The following NDE1 variants were observed in gnomAD, a reference collection of about 807,000 sequenced individuals.
NDE1 encodes the protein nuclear distribution protein nudE homolog 1.
NDE1 carries 28 observed loss-of-function variants against 43.4 expected under a neutral mutation model. The observed-to-expected ratio is 0.65, with a 90% CI of 0.48 to 0.89. The LOEUF is 0.89. Ranked by LOEUF, NDE1 falls within the 40% of genes least tolerant of loss-of-function variation. The probability of loss-of-function intolerance (pLI) is 0.00; values close to 1 mark genes in which losing one functional copy is unlikely to be tolerated. For synonymous variants in NDE1, 184 were observed against 172.0 expected, an observed-to-expected ratio of 1.07 and a Z score of -0.55; for missense variants, 441 against 434.1, an observed-to-expected ratio of 1.02 and a Z score of -0.14.
At chr16:15,654,497 A>G (rs75038289) in intron 1 of NDE1, among the ~76,000 whole-genome samples, 11,497 of 150,288 alleles carry the variant, frequency 0.076, 564 homozygotes, top group East Asian at 0.27. Flanking sequence ...GGTACTAGGG[A>G]CGCTGAGGTA....
chr16:15,673,956 G>C (rs1004775974), intron 3 of NDE1, among the ~76,000 whole-genome samples: 3 of 152,126 alleles, frequency 2.0e-5, no homozygotes, highest in African/African-American at 7.2e-5. Flanking sequence ...GTTTGGTCTT[G>C]GCCCAGTCAT....
Position 15,724,659 on chromosome 16 carries a change from A to G in NDE1, c.*408A>G. 6.2e-7 allele frequency: 1 copy of G among 1,614,078 alleles called. No homozygotes were observed. Among genetic ancestry groups the G allele is most frequent in the Non-Finnish European group, 8.5e-7 (1 of 1,180,024 alleles). ...ACGGGGCAGGCACCTGGATGTTGAG[A>G]GTGGAGATGTGGCGCTCCAGGTTCT... On this transcript the variant is annotated 3_prime_UTR_variant, in exon 9 of 9. Transcript: ENST00000396354.
At chr16:15,648,973 A>G (rs1292081277), upstream of NDE1, among the ~76,000 whole-genome samples, 2 of 152,086 alleles carry the variant, frequency 1.3e-5, no homozygotes, top group African/African-American at 4.8e-5. Context: ...AGGTGGGTGG[A>G]TCACCTGAGG....
intron 8 of NDE1, among the ~76,000 whole-genome samples, chr16:15,706,989 G>A (rs2039490710): frequency 1.3e-5 from 2 of 152,180 alleles, no homozygotes; most frequent in Non-Finnish European, 2.9e-5. Context: ...ACCTGTTACA[G>A]GAACTAAGGG....
At chr16:15,693,285 G>T (rs908424611) in intron 6 of NDE1, among the ~76,000 whole-genome samples, 35 of 152,284 alleles carry the variant, frequency 2.3e-4, no homozygotes, top group African/African-American at 7.5e-4. Context: ...GATTACAGGT[G>T]TGAGCTACTG....
intron 8 of NDE1, among the ~76,000 whole-genome samples, chr16:15,709,902 G>C (rs1200449814): frequency 6.6e-6 from 1 of 152,158 alleles, no homozygotes; most frequent in South Asian, 2.1e-4. Flanking sequence ...AGTGTAGCCA[G>C]TGGTAGGTAA....
chr16:15,673,419 G>A (rs1271311950), intron 3 of NDE1, among the ~76,000 whole-genome samples: 1 of 152,024 alleles, frequency 6.6e-6, no homozygotes, highest in Non-Finnish European at 1.5e-5. Flanking sequence ...TGGCCAGGCT[G>A]TTCTCAAACT....
chr16:15,688,353 G>C (rs1421536264), intron 5 of NDE1, among the ~76,000 whole-genome samples: 2 of 151,884 alleles, frequency 1.3e-5, no homozygotes, highest in African/African-American at 4.8e-5. Context: ...TGAGGCATTT[G>C]GCCAGGCACA....
Position 15,719,626 on chromosome 16 carries a change from T to G in NDE1, c.948-4565T>G. The stretch of plus-strand genomic sequence containing the variant: ...AGGTCTGCTTCCAAGCTCTTGGCTT[T>G]CTTCTCATTCTCTTTGGCTGTGGCA... On this transcript the variant is annotated intron_variant, in intron 8 of 8. Transcript: ENST00000396354. 1 of 1,614,214 alleles carries G rather than the reference T, an allele frequency of 6.2e-7. No individual in the cohort carries two copies. Among genetic ancestry groups the G allele is most frequent in the Non-Finnish European group, 8.5e-7 (1 of 1,180,042 alleles).
intron 1 of NDE1, among the ~76,000 whole-genome samples, chr16:15,664,113 G>GCCCCCACT: frequency 6.6e-6 from 1 of 151,418 alleles, no homozygotes; most frequent in East Asian, 1.9e-4. Context: ...TTCCATTCCA[G>GCCCCCACT]CCCCCACTCC....
intron 8 of NDE1, among the ~76,000 whole-genome samples, chr16:15,709,067 C>G (rs764473966): frequency 6.6e-6 from 1 of 152,000 alleles, no homozygotes; most frequent in South Asian, 2.1e-4. Flanking sequence ...CTCAGCCTCC[C>G]GAGTAGCTGG....
At chr16:15,647,282 T>A (rs1165813938), upstream of NDE1, among the ~76,000 whole-genome samples, 1 of 152,086 alleles carries the variant, frequency 6.6e-6, no homozygotes, top group African/African-American at 2.4e-5. Context: ...GAAGGCAAGA[T>A]GGGGTGGGAG....
At chr16:15,679,300 CAG>C (rs999058813) in intron 4 of NDE1, among the ~76,000 whole-genome samples, 2 of 152,092 alleles carry the variant, frequency 1.3e-5, no homozygotes, top group Non-Finnish European at 1.5e-5. Flanking sequence ...CCGGCCTCCT[CAG>C]AGAGTTTTTT....
chr16:15,665,075 G>T (rs1003484337), intron 2 of NDE1, among the ~76,000 whole-genome samples: 1 of 150,558 alleles, frequency 6.6e-6, no homozygotes, highest in African/African-American at 2.4e-5. Context: ...TTTTTTTGGC[G>T]GAAACAGGGG....
intron 5 of NDE1, among the ~76,000 whole-genome samples, chr16:15,689,227 T>G (rs1485643004): frequency 1.3e-5 from 2 of 152,334 alleles, no homozygotes; most frequent in South Asian, 4.1e-4. Context: ...CAGTGGCTGA[T>G]GCCTGTAATC....
intron 7 of NDE1, chr16:15,695,557 A>G: frequency 2.0e-6 from 2 of 984,342 alleles, no homozygotes; most frequent in African/African-American, 1.8e-5. Flanking sequence ...TTCAGCTTTT[A>G]TGTTAATTAC....
chr16:15,672,428 A>G (rs568498723), intron 3 of NDE1, among the ~76,000 whole-genome samples: 20 of 152,088 alleles, frequency 1.3e-4, no homozygotes, highest in Non-Finnish European at 2.6e-4. Context: ...CAGGAGACTC[A>G]GAGCACACAG....
chr16:15,650,317 C>A, intron 1 of NDE1, 23 bp downstream of exon 1: 1 of 268,296 alleles, frequency 3.7e-6, no homozygotes, highest in Non-Finnish European at 7.6e-6. Flanking sequence ...CTGCGCGGGG[C>A]TGGGGTCGGG....
At chr16:15,653,231 T>C (rs1476076722) in intron 1 of NDE1, among the ~76,000 whole-genome samples, 1 of 152,214 alleles carries the variant, frequency 6.6e-6, no homozygotes, top group African/African-American at 2.4e-5. Context: ...TCTGTTGACA[T>C]TGAGGTTTCC....
Sources: allele counts gnomAD v4.1 joint callset (sites outside exome capture counted in the v4.1 genomes callset), GRCh38; gene constraint gnomAD v4.1.1; transcripts MANE v1.5; gene names NCBI Gene and HGNC (gene_info 2026-07-23, HGNC 2026-07-21).